SOCS2: variants seen among roughly 807,000 people sequenced by gnomAD.
The protein encoded by SOCS2 is suppressor of cytokine signaling 2, also known as CIS-2.
In SOCS2, 10 loss-of-function variants were observed where a neutral mutation model predicts 18.6. That is an observed-to-expected ratio of 0.54 (90% confidence interval 0.33 to 0.91). The LOEUF is 0.91. Ranked by LOEUF, SOCS2 falls within the 40% of genes least tolerant of loss-of-function variation. The probability of loss-of-function intolerance (pLI) is 0.02; values close to 1 mark genes in which losing one functional copy is unlikely to be tolerated. For synonymous variants in SOCS2, 104 were observed against 104.0 expected, an observed-to-expected ratio of 1.00 and a Z score of 0.00; for missense variants, 231 against 247.2, an observed-to-expected ratio of 0.93 and a Z score of 0.44.
At chr12:93,622,299 G>A in the SOCS2 span, among the ~76,000 whole-genome samples, 3 of 152,184 alleles carry the variant, frequency 2.0e-5, no homozygotes, top group Non-Finnish European at 4.4e-5. Flanking sequence ...ACTAATAGTC[G>A]CTTCAACTAA....
At chr12:93,599,634 G>A in the SOCS2 span, among the ~76,000 whole-genome samples, 186 of 152,322 alleles carry the variant, frequency 1.2e-3, no homozygotes, top group Middle Eastern at 6.8e-3. Flanking sequence ...GTTGAGGAGA[G>A]GTGGGACCTT....
At chr12:93,622,258 A>T in the SOCS2 span, among the ~76,000 whole-genome samples, 1 of 152,142 alleles carries the variant, frequency 6.6e-6, no homozygotes, top group Non-Finnish European at 1.5e-5. Context: ...TTCTGTGGGG[A>T]TGATGTCAGT....
At chr12:93,617,072 G>A in the SOCS2 span, among the ~76,000 whole-genome samples, 5 of 152,164 alleles carry the variant, frequency 3.3e-5, no homozygotes. Context: ...CGTGTCCATT[G>A]ATGGGGATCA....
At chr12:93,614,727 T>G in the SOCS2 span, among the ~76,000 whole-genome samples, 2 of 150,436 alleles carry the variant, frequency 1.3e-5, no homozygotes, top group Non-Finnish European at 3.0e-5. Context: ...GCGATTCTCC[T>G]GCCTCAGACC....
At chr12:93,604,703 A>G in the SOCS2 span, among the ~76,000 whole-genome samples, 3 of 152,090 alleles carry the variant, frequency 2.0e-5, no homozygotes, top group African/African-American at 7.2e-5. Flanking sequence ...TTTGTCGCCC[A>G]AGCTGGAGTG....
chr12:93,608,742 T>A, the SOCS2 span, among the ~76,000 whole-genome samples: 1 of 152,160 alleles, frequency 6.6e-6, no homozygotes, highest in Non-Finnish European at 1.5e-5. Flanking sequence ...AATCACCTCC[T>A]ATATCACATT....
the SOCS2 span, among the ~76,000 whole-genome samples, chr12:93,597,248 C>T: frequency 0.016 from 2,466 of 152,304 alleles, 14 homozygotes; most frequent in Middle Eastern, 0.088. Flanking sequence ...CTCCTTTGTG[C>T]TACCCATTTA....
chr12:93,601,110 T>TTA, the SOCS2 span, among the ~76,000 whole-genome samples: 1 of 145,206 alleles, frequency 6.9e-6, no homozygotes, highest in African/African-American at 2.5e-5. Context: ...CTCTCTCTCT[T>TTA]TTTTTTTTTT....
At chr12:93,607,673 T>C in the SOCS2 span, among the ~76,000 whole-genome samples, 9 of 152,166 alleles carry the variant, frequency 5.9e-5, no homozygotes. Context: ...GTAATCAAAA[T>C]CAATACTATT....
chr12:93,572,732 C>G lies in SOCS2; in HGVS notation c.-166C>G. Reference sequence around the variant, plus strand: ...TGCGAGGGACTTTGTCATCCGTCCTCCAGGATCTGGGGAGAAAGAGCCCCA... The same window carrying G: ...TGCGAGGGACTTTGTCATCCGTCCTGCAGGATCTGGGGAGAAAGAGCCCCA... On this transcript the variant is annotated 5_prime_UTR_variant, in exon 1 of 2. Coordinates refer to ENST00000551556, the MANE Select transcript of SOCS2 (RefSeq NM_001270471.2). This position sits in a 1 kb window ranked among gnomAD's most constrained non-coding sequence, Gnocchi z 5.0. 2.2e-6 allele frequency: 2 copies of G among 904,216 alleles called. No individual in the cohort carries two copies. The highest frequency in any genetic ancestry group is 3.5e-6 in the Non-Finnish European group (2 of 569,202). 56.0% of individuals were successfully genotyped at this position (904,216 alleles called of 1,614,324 possible). A position where few individuals can be genotyped will look rare whatever the true frequency, so the allele number is the denominator to read the frequency against.
chr12:93,592,912 G>GTTTT, the SOCS2 span, among the ~76,000 whole-genome samples: 1 of 132,042 alleles, frequency 7.6e-6, no homozygotes, highest in Admixed American at 7.8e-5. Context: ...GTAGGACTGA[G>GTTTT]AAAGCTTTTT....
chr12:93,591,429 G>GTGGC, the SOCS2 span, among the ~76,000 whole-genome samples: 1 of 152,182 alleles, frequency 6.6e-6, no homozygotes, highest in East Asian at 1.9e-4. Flanking sequence ...GCGTTCGTGT[G>GTGGC]TGGCTGTCTG....
chr12:93,620,943 T>A, the SOCS2 span, among the ~76,000 whole-genome samples: 1 of 152,200 alleles, frequency 6.6e-6, no homozygotes, highest in African/African-American at 2.4e-5. Context: ...CATCTATCCA[T>A]TCGTCCAGCC....
At chr12:93,617,071 T>C in the SOCS2 span, among the ~76,000 whole-genome samples, 10 of 152,340 alleles carry the variant, frequency 6.6e-5, no homozygotes, top group African/African-American at 2.4e-4. Flanking sequence ...CCGTGTCCAT[T>C]GATGGGGATC....
the SOCS2 span, among the ~76,000 whole-genome samples, chr12:93,621,552 C>T: frequency 1.3e-5 from 2 of 152,218 alleles, no homozygotes; most frequent in Admixed American, 6.5e-5. Flanking sequence ...TCATAGCTCA[C>T]TGCAGCCTCG....
At chr12:93,599,501 C>A in the SOCS2 span, among the ~76,000 whole-genome samples, 1 of 152,030 alleles carries the variant, frequency 6.6e-6, no homozygotes. Context: ...TTTACATATT[C>A]CAGGTAAACA....
chr12:93,600,926 C>T, the SOCS2 span, among the ~76,000 whole-genome samples: 2 of 151,032 alleles, frequency 1.3e-5, no homozygotes, highest in Admixed American at 6.6e-5. Context: ...GTAGCTGGGA[C>T]TACGATTGTG....
the SOCS2 span, among the ~76,000 whole-genome samples, chr12:93,610,373 T>G: frequency 6.6e-6 from 1 of 152,146 alleles, no homozygotes; most frequent in Non-Finnish European, 1.5e-5. Flanking sequence ...CACAACTTCC[T>G]GGACCCCCAC....
chr12:93,570,035 A>G (rs1279256632), upstream of SOCS2: 1 of 152,212 alleles, frequency 6.6e-6, no homozygotes, highest in Non-Finnish European at 1.5e-5. Flanking sequence ...CACTAAGGCC[A>G]GGGGGCCTCC....
Sources: allele counts gnomAD v4.1 joint callset (sites outside exome capture counted in the v4.1 genomes callset), GRCh38; gene constraint gnomAD v4.1.1; non-coding constraint Gnocchi (gnomAD v3.1); transcripts MANE v1.5; gene names NCBI Gene and HGNC (gene_info 2026-07-23, HGNC 2026-07-21).